The following DOT1L variants were observed in gnomAD, a reference collection of about 807,000 sequenced individuals.
The protein encoded by DOT1L is histone-lysine N-methyltransferase, H3 lysine-79 specific.
A neutral mutation model predicts 153.3 loss-of-function variants in DOT1L; 33 were observed. The ratio of observed to expected loss-of-function variants is 0.22; its 90% CI spans 0.16 to 0.29. The LOEUF is 0.29. Ranked by LOEUF, DOT1L falls within the 10% of genes least tolerant of loss-of-function variation. DOT1L has a pLI of 1.00. For synonymous variants in DOT1L, 1,135 were observed against 965.1 expected (o/e 1.18, Z -3.26); for missense variants, 1,847 against 2,119.9 (o/e 0.87, Z 2.53).
rs1043892261 is a variant in DOT1L, at chr19:2,226,355, C to T, written c.3834C>T (p.Ala1278=). 3 of 1,593,488 alleles carry T rather than the reference C, an allele frequency of 1.9e-6. No individual in the cohort carries two copies. Among genetic ancestry groups the T allele is most frequent in the South Asian group, 1.1e-5 (1 of 88,784 alleles). Residue 1278 remains alanine, a synonymous_variant, in exon 27 of 28, where the codon GCC becomes GCT. Coordinates refer to ENST00000398665, the MANE Select transcript of DOT1L (RefSeq NM_032482.3). ...ACTCCCTGTTCACGTTCCGGCCCGC[C>T]CTGGAGGAGCCCTCTGCCGATGCCA... is the stretch of plus-strand genomic sequence containing the variant. The part of the protein sequence containing the change: ...SQNSLFTFRP[A]LEEPSADAKL...
chr19:2,189,432 G>A (rs958399516), intron 3 of DOT1L, among the ~76,000 whole-genome samples: 2 of 152,198 alleles, frequency 1.3e-5, no homozygotes, highest in East Asian at 1.9e-4. Flanking sequence ...CTCTCCTCAC[G>A]CCTCCAGCAC....
chr19:2,206,615 C>A, intron 9 of DOT1L, 114 bp from the exon 10 acceptor site: 1 of 1,032,790 alleles, frequency 9.7e-7, no homozygotes. Flanking sequence ...GGACAGGACC[C>A]GGAGCCCAGT....
chr19:2,177,193 C>A (rs1360964359), intron 1 of DOT1L, among the ~76,000 whole-genome samples: 2 of 152,198 alleles, frequency 1.3e-5, no homozygotes, highest in Non-Finnish European at 2.9e-5. Flanking sequence ...CTGTGGGCAC[C>A]CGACATGTGG....
chr19:2,227,903 G>T (rs1217025997), intron 27 of DOT1L: 5 of 1,227,840 alleles, frequency 4.1e-6, no homozygotes, highest in Non-Finnish European at 5.2e-6. Context: ...AGACCCGGCC[G>T]CCCCCTCCGC....
At chr19:2,227,580 G>T in intron 27 of DOT1L, 1 of 844,898 alleles carries the variant, frequency 1.2e-6, no homozygotes, top group Non-Finnish European at 1.6e-6. Context: ...CGGAGGGCGG[G>T]CCACCACGAG....
chr19:2,213,960 G>C lies in DOT1L; in HGVS notation c.1771G>C (p.Ala591Pro), dbSNP rs776577348. 1 of 1,612,798 alleles carries C rather than the reference G, an allele frequency of 6.2e-7. No individual in the cohort carries two copies. Among genetic ancestry groups the C allele is most frequent in the Non-Finnish European group, 8.5e-7 (1 of 1,179,928 alleles). ...GGAGCAGCTGGAGCAGGACAACCGCGCGCTCCGCGGCCAGAGCTTGCAGCT... is the reference window on the plus strand; with the variant it reads ...GGAGCAGCTGGAGCAGGACAACCGCCCGCTCCGCGGCCAGAGCTTGCAGCT... ...QSEQLEQDNRALRGQSLQLLK... is the reference protein window; with the variant it reads ...QSEQLEQDNRPLRGQSLQLLK... Residue 591 changes from alanine (A) to proline (P), a missense_variant, in exon 18 of 28, where the codon GCG (alanine) becomes CCG (proline). This residue lies in a region of DOT1L where 156 missense variants were observed against 235.7 expected (regional missense o/e 0.66). Transcript: ENST00000398665.
intron 9 of DOT1L, among the ~76,000 whole-genome samples, chr19:2,206,060 G>A (rs564388413): frequency 1.3e-5 from 2 of 148,844 alleles, no homozygotes; most frequent in Non-Finnish European, 1.5e-5. Flanking sequence ...GCAGTGGCGC[G>A]ATCTCGACTC....
At chr19:2,182,915 AGGG>A (rs2144706638) in intron 2 of DOT1L, among the ~76,000 whole-genome samples, 1 of 152,206 alleles carries the variant, frequency 6.6e-6, no homozygotes, top group South Asian at 2.1e-4. Context: ...TAAGCGTTGT[AGGG>A]AGCAGGGTCC....
At chr19:2,225,941 C>T (rs1343845184) in intron 26 of DOT1L, among the ~76,000 whole-genome samples, 4 of 152,178 alleles carry the variant, frequency 2.6e-5, no homozygotes, top group African/African-American at 4.8e-5. Context: ...CCCTCCTGTC[C>T]CATCCAGTCC....
intron 1 of DOT1L, among the ~76,000 whole-genome samples, chr19:2,179,779 C>G (rs1016949680): frequency 6.6e-6 from 1 of 152,146 alleles, no homozygotes; most frequent in Non-Finnish European, 1.5e-5. Context: ...TTCACTCCAG[C>G]CTGGGCGACA....
In DOT1L at chr19:2,214,600, G is replaced by C. The variant is rs1451122755; in HGVS notation, c.1923+4G>C. 1 of 1,611,784 alleles carries C rather than the reference G, an allele frequency of 6.2e-7. No individual in the cohort carries two copies. The highest frequency in any genetic ancestry group is 1.3e-5 in the African/African-American group (1 of 74,926). On this transcript the variant is annotated splice_donor_region_variant and intron_variant, in intron 19 of 27. Coordinates refer to ENST00000398665, the MANE Select transcript of DOT1L (RefSeq NM_032482.3). ...GAGGCACTGCCTGGAGCTGCAGGTG[G>C]GCTGCGCGCGAGGCTGCACTCCGTG...
Position 2,227,036 on chromosome 19 carries a change from A to G in DOT1L, c.4515A>G (p.Ala1505=). 3 of 1,580,718 alleles carry G rather than the reference A, an allele frequency of 1.9e-6. No individual in the cohort carries two copies. In the East Asian group the frequency reaches 6.8e-5, roughly 36 times the overall value. The change falls in exon 27 of 28, where the codon GCA becomes GCG. Residue 1505 remains alanine, a synonymous_variant. Coordinates refer to ENST00000398665, the MANE Select transcript of DOT1L (RefSeq NM_032482.3). ...QSLFSSVPAA[A]GLVHVSSAAT... Reference sequence around the variant, plus strand: ...TGTTCAGCTCTGTGCCGGCCGCCGCAGGCCTGGTGCACGTGTCGTCCGCTG... The same window carrying G: ...TGTTCAGCTCTGTGCCGGCCGCCGCGGGCCTGGTGCACGTGTCGTCCGCTG...
In DOT1L at chr19:2,225,416, T is replaced by C; in HGVS notation, c.3625T>C (p.Leu1209=). The change falls in exon 26 of 28, where the codon TTA becomes CTA. Residue 1209 remains leucine, a synonymous_variant. Transcript: ENST00000398665. The stretch of plus-strand genomic sequence containing the variant: ...TGAGAGAAAAATTGCAACAATCTCC[T>C]TAGAAAGCAAATCTCCCCCGAAAAC... The part of the protein sequence containing the change: ...RIERKIATIS[L]ESKSPPKTLE... 6.2e-7 allele frequency: 1 copy of C among 1,614,172 alleles called. No homozygotes were observed.
chr19:2,174,960 G>A (rs896112233), intron 1 of DOT1L, among the ~76,000 whole-genome samples: 1 of 84,236 alleles, frequency 1.2e-5, no homozygotes, highest in Admixed American at 1.1e-4. Context: ...TTAAATATAT[G>A]TGTGTGTGTG....
intron 10 of DOT1L, 50 bp downstream of exon 10, chr19:2,206,847 C>T: frequency 6.4e-7 from 1 of 1,558,860 alleles, no homozygotes; most frequent in Non-Finnish European, 8.8e-7. Flanking sequence ...TTTTAACCAT[C>T]TGACACGCAG....
In DOT1L at chr19:2,197,196, C is replaced by T. The variant is rs1039172408; in HGVS notation, c.651+2619C>T. 6.6e-6 allele frequency among the ~76,000 whole-genome samples: 1 copy of T among 152,186 alleles called. No homozygotes were observed. Among genetic ancestry groups the T allele is most frequent in the African/African-American group, 2.4e-5 (1 of 41,452 alleles). Reference sequence around the variant, plus strand: ...TTCTGCTGTCTTTGACCAGGACTTGCGCATCCAGGGCTGTGGGCCCGGCTC... The same window carrying T: ...TTCTGCTGTCTTTGACCAGGACTTGTGCATCCAGGGCTGTGGGCCCGGCTC... On this transcript the variant is annotated intron_variant, in intron 7 of 27. Transcript: ENST00000398665. This position sits in a 1 kb window ranked among gnomAD's most constrained non-coding sequence, Gnocchi z 4.1.
Position 2,220,812 on chromosome 19 carries a change from A to T in DOT1L, c.2806+590A>T. The T allele has an allele frequency of 3.5e-6, 1 of 288,064 alleles. No individual in the cohort carries two copies. 17.8% of individuals were successfully genotyped at this position (288,064 alleles called of 1,614,324 possible). On this transcript the variant is annotated intron_variant, in intron 23 of 27. Transcript: ENST00000398665. The surrounding 1 kb of genome is among the most constrained non-coding windows in gnomAD (Gnocchi z 4.5). ...TACTTAAAACAGCAGAGGACATGAGACCCCCAGGCTGGTTTGCTGGCCCCA... is the reference window on the plus strand; with the variant it reads ...TACTTAAAACAGCAGAGGACATGAGTCCCCCAGGCTGGTTTGCTGGCCCCA...
intron 7 of DOT1L, among the ~76,000 whole-genome samples, chr19:2,198,734 C>G (rs2023125146): frequency 6.6e-6 from 1 of 152,318 alleles, no homozygotes; most frequent in East Asian, 1.9e-4. Context: ...CTACTCCAGC[C>G]CCCAGCATGA....
chr19:2,217,100 G>T lies in DOT1L; in HGVS notation c.2544+10G>T. 6.3e-7 allele frequency: 1 copy of T among 1,583,910 alleles called. No homozygotes were observed. On this transcript the variant is annotated intron_variant, in intron 21 of 27. Transcript: ENST00000398665. This position sits in a 1 kb window ranked among gnomAD's most constrained non-coding sequence, Gnocchi z 7.3. ...GAAGAGCAGTGAGAAGGTGCGGGCC[G>T]CGACCCCTGCCCCGGGCTCAGGGAG... is the stretch of plus-strand genomic sequence containing the variant.
Sources: gnomAD v4.1 joint callset for allele counts (sites outside exome capture counted in the v4.1 genomes callset) on GRCh38, gnomAD v4.1.1 for gene constraint, gnomAD v4.1.1 regional missense constraint, Gnocchi (gnomAD v3.1) non-coding constraint, MANE v1.5 for transcripts, NCBI Gene and HGNC (gene_info 2026-07-23, HGNC 2026-07-21) for gene names.